TENT2: variants seen among roughly 807,000 people sequenced by gnomAD.
TENT2 encodes poly(A) RNA polymerase GLD2.
TENT2 carries 44 observed loss-of-function variants against 72.2 expected under a neutral mutation model. That is an observed-to-expected ratio of 0.61 (90% confidence interval 0.48 to 0.78). The LOEUF (loss-of-function observed/expected upper bound fraction) is 0.78, where lower values mean the gene tolerates loss of function less well. TENT2 is among the 30% of genes least tolerant of loss of function. The probability of loss-of-function intolerance (pLI) is 0.00; values close to 1 mark genes in which losing one functional copy is unlikely to be tolerated. For missense variants in TENT2, 541 were observed against 569.6 expected (o/e 0.95, Z 0.51); for synonymous variants, 212 against 192.5 (o/e 1.10, Z -0.84).
At position 79,641,283 on chromosome 5, in the gene TENT2, TG is replaced by T. The variant is rs111614621; in HGVS notation, c.672+88del. 1,352 of 1,162,298 alleles carry T rather than the reference TG, an allele frequency of 1.2e-3. 15 individuals are homozygous for T. The African/African-American group carries it at 0.019, about 16-fold the overall frequency. 72.0% of individuals were successfully genotyped at this position (1,162,298 alleles called of 1,614,324 possible). On this transcript the variant is annotated intron_variant, in intron 6 of 14. Transcript: ENST00000453514. ...ATAAAAGTCATTGAGGGAAAAAACT[TG>T]CTTTGTTGTGATTACTTCTTTGAAT...
At chr5:79,666,396 G>A (rs566301018) in intron 11 of TENT2, among the ~76,000 whole-genome samples, 20 of 149,032 alleles carry the variant, frequency 1.3e-4, no homozygotes, top group Non-Finnish European at 2.2e-4. Context: ...TTTGCGATAA[G>A]GTCTTGCTCA....
At chr5:79,671,652 A>T (rs1398901865) in intron 12 of TENT2, among the ~76,000 whole-genome samples, 1 of 151,734 alleles carries the variant, frequency 6.6e-6, no homozygotes, top group African/African-American at 2.4e-5. Context: ...CAAATGATCC[A>T]CCCATCTCGG....
rs1311221056 is a variant in TENT2 at position 79,659,553 on chromosome 5, A to AT, written c.1071+2552_1071+2553insT. ...TCTCAAAAAAAAAAAAAAAAAAAAAAATGTATATATATATATATATATATA... is the reference window on the plus strand; with the variant it reads ...TCTCAAAAAAAAAAAAAAAAAAAAAATATGTATATATATATATATATATATA... On this transcript the variant is annotated intron_variant, in intron 11 of 14. Transcript: ENST00000453514. 1.2e-3 allele frequency among the ~76,000 whole-genome samples: 32 copies of AT among 26,848 alleles called. 1 individual carries two copies. Among genetic ancestry groups the AT allele is most frequent in the African/African-American group, 6.3e-3 (25 of 3,992 alleles). The allele number at this position is 26,848 out of a possible 152,430, so 17.6% of individuals were successfully genotyped here.
At chr5:79,666,114 G>A (rs545980705) in intron 11 of TENT2, among the ~76,000 whole-genome samples, 31 of 151,610 alleles carry the variant, frequency 2.0e-4, no homozygotes, top group African/African-American at 6.8e-4. Context: ...TCAGCCTCCT[G>A]AGTAGCTGGG....
At position 79,688,150 on chromosome 5, in the gene TENT2, C is replaced by T. The variant is rs1006461533; in HGVS notation, c.*2877C>T. 3.3e-5 allele frequency among the ~76,000 whole-genome samples: 5 copies of T among 152,194 alleles called. No individual in the cohort carries two copies. Among genetic ancestry groups the T allele is most frequent in the African/African-American group, 1.2e-4 (5 of 41,448 alleles). On this transcript the variant is annotated 3_prime_UTR_variant, in exon 15 of 15. Transcript: ENST00000453514. The stretch of plus-strand genomic sequence containing the variant: ...CAGACATAATGCATGCATACCAGCT[C>T]GTGTAACTGGTGAATAATCCCCAGC...
intron 4 of TENT2, among the ~76,000 whole-genome samples, chr5:79,627,241 T>G (rs1288936338): frequency 2.6e-5 from 4 of 152,230 alleles, no homozygotes; most frequent in Non-Finnish European, 5.9e-5. Flanking sequence ...TTTACTTGTA[T>G]TTGTATGTTG....
chr5:79,655,507 G>T (rs925567183), intron 10 of TENT2, among the ~76,000 whole-genome samples: 24 of 151,960 alleles, frequency 1.6e-4, no homozygotes, highest in Non-Finnish European at 3.1e-4. Context: ...AGGTATTCAA[G>T]TTTTTAAGTA....
rs565233417 is a variant in TENT2 at position 79,685,129 on chromosome 5, C to A, written c.1381-70C>A. On this transcript the variant is annotated intron_variant, in intron 14 of 14. Coordinates refer to ENST00000453514, the MANE Select transcript of TENT2 (RefSeq NM_001114394.3). ...CTAGAGAGAACCAACTATTAACATT[C>A]TTTTAAACTCTCAGTCTTTTGTTCT... 182 of 1,146,858 alleles carry A rather than the reference C, an allele frequency of 1.6e-4. 2 individuals carry two copies. The South Asian group carries it at 2.3e-3, about 14-fold the overall frequency. The allele number at this position is 1,146,858 out of a possible 1,614,324, so 71.0% of individuals were successfully genotyped here. A position where few individuals can be genotyped will look rare whatever the true frequency, so the allele number is the denominator to read the frequency against.
chr5:79,639,905 C>G (rs1269248684), intron 4 of TENT2, among the ~76,000 whole-genome samples: 1 of 152,018 alleles, frequency 6.6e-6, no homozygotes, highest in African/African-American at 2.4e-5. Context: ...AGGGAAATCA[C>G]CTATGTTGAT....
At chr5:79,683,326 C>CAT (rs1293817030) in intron 14 of TENT2, among the ~76,000 whole-genome samples, 1 of 151,578 alleles carries the variant, frequency 6.6e-6, no homozygotes, top group Non-Finnish European at 1.5e-5. Context: ...CACACACACA[C>CAT]ACACACACAC....
At chr5:79,666,170 G>A (rs1018192079) in intron 11 of TENT2, among the ~76,000 whole-genome samples, 1 of 151,188 alleles carries the variant, frequency 6.6e-6, no homozygotes, top group Non-Finnish European at 1.5e-5. Context: ...TGTATTTTTA[G>A]TAGAGACGGG....
chr5:79,659,349 A>G (rs1800329868), intron 11 of TENT2, among the ~76,000 whole-genome samples: 1 of 151,114 alleles, frequency 6.6e-6, no homozygotes, highest in Non-Finnish European at 1.5e-5. Context: ...CCTGGCCAAG[A>G]TAGTGAAACC....
At position 79,683,313 on chromosome 5, in the gene TENT2, T is replaced by TCACACACACA. The variant is rs111701863; in HGVS notation, c.1380+1272_1380+1281dup. On this transcript the variant is annotated intron_variant, in intron 14 of 14. Transcript: ENST00000453514. Reference sequence around the variant, plus strand: ...CACACACACACATGCACGCACATGCTCACACACACACACACACACACACAC... The same window carrying TCACACACACA: ...CACACACACACATGCACGCACATGCTCACACACACACACACACACACACACACACACACAC... Among the ~76,000 whole-genome samples, 87 of 145,738 alleles carry TCACACACACA rather than the reference T, an allele frequency of 6.0e-4. 2 individuals carry two copies. Among genetic ancestry groups the TCACACACACA allele is most frequent in the African/African-American group, 2.0e-3 (80 of 40,008 alleles).
intron 1 of TENT2, among the ~76,000 whole-genome samples, chr5:79,615,937 G>A (rs528084927): frequency 2.0e-5 from 3 of 152,088 alleles, no homozygotes; most frequent in African/African-American, 7.2e-5. Context: ...CGCCCAGGCT[G>A]GAGTGCAGTG....
chr5:79,644,559 A>G (rs975628143), intron 7 of TENT2: 4 of 152,204 alleles, frequency 2.6e-5, no homozygotes, highest in Non-Finnish European at 5.9e-5. Context: ...TGTAATACAT[A>G]TCTGTATGTG....
Position 79,641,120 on chromosome 5 carries a change from T to C in TENT2, c.596T>C (p.Leu199Ser). 6.4e-7 allele frequency: 1 copy of C among 1,572,800 alleles called. No homozygotes were observed. Among genetic ancestry groups the C allele is most frequent in the Non-Finnish European group, 8.6e-7 (1 of 1,168,558 alleles). Residue 199 changes from leucine (L) to serine (S), a missense_variant, in exon 6 of 15, where the codon TTG (leucine) becomes TCG (serine). By Grantham distance (145) the Leu-to-Ser change is moderately radical. Transcript: ENST00000453514. ...QLLFPQSRLF[L>S]VGSSLNGFGT... ...GTTTCTTTAGAAAGCAGACTTTTTT[T>C]GGTTGGGTCCTCTTTAAATGGATTT...
intron 11 of TENT2, among the ~76,000 whole-genome samples, chr5:79,666,192 T>C (rs1807693328): frequency 6.6e-6 from 1 of 151,814 alleles, no homozygotes; most frequent in Non-Finnish European, 1.5e-5. Flanking sequence ...TTTCACCGTG[T>C]TGGCCAGGCT....
chr5:79,667,156 G>T (rs62365233), intron 11 of TENT2, among the ~76,000 whole-genome samples: 1 of 151,946 alleles, frequency 6.6e-6, no homozygotes, highest in African/African-American at 2.4e-5. Context: ...ACAAAATAAA[G>T]ATTTTAAAGG....
At chr5:79,667,141 A>C (rs978986840) in intron 11 of TENT2, among the ~76,000 whole-genome samples, 2 of 152,162 alleles carry the variant, frequency 1.3e-5, no homozygotes, top group African/African-American at 4.8e-5. Context: ...TCTTTAAATT[A>C]CTGAACAAAA....
Sources: gnomAD v4.1 joint callset for allele counts (sites outside exome capture counted in the v4.1 genomes callset) on GRCh38, gnomAD v4.1.1 for gene constraint, MANE v1.5 for transcripts, NCBI Gene and HGNC (gene_info 2026-07-23, HGNC 2026-07-21) for gene names.